Variants in BCAS3 observed in about 807,000 individuals in gnomAD.
The protein encoded by BCAS3 is BCAS4/BCAS3 fusion.
In BCAS3, 53 loss-of-function variants were observed where a neutral mutation model predicts 116.1. The ratio of observed to expected loss-of-function variants is 0.46; its 90% CI spans 0.37 to 0.57. The LOEUF is 0.57. Ranked by LOEUF, BCAS3 falls within the 20% of genes least tolerant of loss-of-function variation. BCAS3 has a pLI of 0.00. For synonymous variants in BCAS3, 391 were observed against 408.2 expected (o/e 0.96, Z 0.51); for missense variants, 917 against 1,165.4 (o/e 0.79, Z 3.10).
At chr17:61,301,561 C>T (rs1316453171) in intron 22 of BCAS3, among the ~76,000 whole-genome samples, 7 of 151,992 alleles carry the variant, frequency 4.6e-5, no homozygotes, top group South Asian at 2.1e-4. Context: ...CGCTTGAACC[C>T]GGGAGGTGGA....
At chr17:60,828,375 A>C (rs1022105309) in intron 7 of BCAS3, among the ~76,000 whole-genome samples, 3 of 152,232 alleles carry the variant, frequency 2.0e-5, no homozygotes, top group African/African-American at 7.2e-5. Context: ...TTTCTACGTC[A>C]AGTATTTTTA....
chr17:60,820,101 C>T (rs2049804699), intron 7 of BCAS3, among the ~76,000 whole-genome samples: 1 of 150,764 alleles, frequency 6.6e-6, no homozygotes, highest in Non-Finnish European at 1.5e-5. Flanking sequence ...GGCAGAGTCT[C>T]GTTCTGTTGC....
chr17:60,786,448 G>A (rs1368406875), intron 6 of BCAS3, among the ~76,000 whole-genome samples: 1 of 151,842 alleles, frequency 6.6e-6, no homozygotes. Flanking sequence ...CTTGAGCCTG[G>A]GAGGTTGAGG....
At chr17:61,187,665 C>T (rs890802161) in intron 22 of BCAS3, among the ~76,000 whole-genome samples, 4 of 152,160 alleles carry the variant, frequency 2.6e-5, no homozygotes, top group African/African-American at 9.7e-5. Context: ...TTGTCATTAG[C>T]AGTAACAATT....
intron 22 of BCAS3, among the ~76,000 whole-genome samples, chr17:61,340,253 C>T (rs984811044): frequency 4.6e-5 from 6 of 131,694 alleles, no homozygotes; most frequent in Non-Finnish European, 9.1e-5. Context: ...ATAGTGATGG[C>T]AAGAGGGGGT....
chr17:60,679,398 C>T, intron 1 of BCAS3, 55 bp from the exon 2 acceptor site: 1 of 1,383,386 alleles, frequency 7.2e-7, no homozygotes, highest in Non-Finnish European at 1.0e-6. Context: ...CTCCCTACCC[C>T]CAACAACGAT....
chr17:60,926,901 G>T (rs1474192700), intron 13 of BCAS3, among the ~76,000 whole-genome samples: 1 of 152,142 alleles, frequency 6.6e-6, no homozygotes, highest in Non-Finnish European at 1.5e-5. Context: ...ATACGATAAG[G>T]TTAAAAATAG....
intron 15 of BCAS3, among the ~76,000 whole-genome samples, chr17:61,001,854 A>G (rs1179359127): frequency 1.3e-5 from 2 of 152,124 alleles, no homozygotes; most frequent in Non-Finnish European, 2.9e-5. Context: ...TGCTAGTTTT[A>G]ACATTTACTA....
At chr17:60,870,401 C>A (rs2055000218) in intron 8 of BCAS3, among the ~76,000 whole-genome samples, 1 of 151,940 alleles carries the variant, frequency 6.6e-6, no homozygotes, top group South Asian at 2.1e-4. Context: ...TGTTGGAGAC[C>A]TAGTAGTTTA....
chr17:61,047,134 A>G (rs2068429004), intron 19 of BCAS3, among the ~76,000 whole-genome samples: 1 of 152,016 alleles, frequency 6.6e-6, no homozygotes, highest in South Asian at 2.1e-4. Context: ...AAATTATAGT[A>G]ACATTTCCTA....
chr17:61,010,401 G>C (rs1358261855), intron 15 of BCAS3, among the ~76,000 whole-genome samples: 1 of 151,834 alleles, frequency 6.6e-6, no homozygotes, highest in Non-Finnish European at 1.5e-5. Flanking sequence ...TTGAGAGTTT[G>C]TGTCCCCCAA....
chr17:60,706,672 A>G (rs2037179240), intron 4 of BCAS3, among the ~76,000 whole-genome samples: 1 of 152,052 alleles, frequency 6.6e-6, no homozygotes, highest in Non-Finnish European at 1.5e-5. Flanking sequence ...TAAATATACA[A>G]AAATTAGCCA....
intron 13 of BCAS3, among the ~76,000 whole-genome samples, chr17:60,942,439 A>AAAAC (rs1203392623): frequency 1.3e-5 from 2 of 152,106 alleles, no homozygotes; most frequent in Non-Finnish European, 2.9e-5. Context: ...AAACAAAAAC[A>AAAAC]AAACAAAACA....
At chr17:61,257,159 C>T (rs1010608571) in intron 22 of BCAS3, among the ~76,000 whole-genome samples, 3 of 152,028 alleles carry the variant, frequency 2.0e-5, no homozygotes, top group African/African-American at 4.8e-5. Context: ...TGGTGGCTCA[C>T]GCCTGTAACC....
chr17:61,372,201 C>T (rs2059083555), intron 23 of BCAS3, among the ~76,000 whole-genome samples: 1 of 152,154 alleles, frequency 6.6e-6, no homozygotes, highest in Non-Finnish European at 1.5e-5. Context: ...CCTCATAGCC[C>T]CGCCCCCATT....
At chr17:60,996,984 G>A (rs753045376) in intron 15 of BCAS3, among the ~76,000 whole-genome samples, 14 of 152,172 alleles carry the variant, frequency 9.2e-5, no homozygotes, top group Non-Finnish European at 1.9e-4. Context: ...CCAAGGACCG[G>A]TTTTGTGGAA....
chr17:61,100,067 A>G (rs1237190122), intron 22 of BCAS3, among the ~76,000 whole-genome samples: 1 of 152,186 alleles, frequency 6.6e-6, no homozygotes, highest in Non-Finnish European at 1.5e-5. Context: ...GGTGTTCTAC[A>G]ATATTTGGAA....
At chr17:61,069,589 GCA>G (rs1053713077) in intron 19 of BCAS3, among the ~76,000 whole-genome samples, 2 of 152,152 alleles carry the variant, frequency 1.3e-5, no homozygotes, top group African/African-American at 4.8e-5. Flanking sequence ...TGTAATCTCA[GCA>G]CTTTGGGAGG....
rs112274290 is a variant in BCAS3 at position 60,699,669 on chromosome 17, C to T, written c.215-9550C>T. ...AAAGAAAATGGGCATTAAAGAATTACTGATGTATTAGCCATTTAATAATTT... is the reference window on the plus strand; with the variant it reads ...AAAGAAAATGGGCATTAAAGAATTATTGATGTATTAGCCATTTAATAATTT... On this transcript the variant is annotated intron_variant, in intron 4 of 23. Coordinates refer to ENST00000407086, the MANE Select transcript of BCAS3 (RefSeq NM_017679.5). Among the ~76,000 whole-genome samples, 353 of 152,172 alleles carry T rather than the reference C, an allele frequency of 2.3e-3. 1 individual carries two copies. Among genetic ancestry groups the T allele is most frequent in the African/African-American group, 8.0e-3 (332 of 41,508 alleles).
Sources: gnomAD v4.1 joint callset for allele counts (sites outside exome capture counted in the v4.1 genomes callset) on GRCh38, gnomAD v4.1.1 for gene constraint, MANE v1.5 for transcripts, NCBI Gene and HGNC (gene_info 2026-07-23, HGNC 2026-07-21) for gene names.